The following PLPPR5 variants were observed in gnomAD, a reference collection of about 807,000 sequenced individuals.
The protein encoded by PLPPR5 is phospholipid phosphatase-related protein type 5.
In PLPPR5, 16 loss-of-function variants were observed where a neutral mutation model predicts 33.9. The ratio of observed to expected loss-of-function variants is 0.47; its 90% CI spans 0.32 to 0.72. The LOEUF (loss-of-function observed/expected upper bound fraction) is 0.72, where lower values mean the gene tolerates loss of function less well. Among genes scored for constraint, PLPPR5 ranks in the 30% least tolerant of loss-of-function variants. The pLI is 0.03. For missense variants in PLPPR5, 301 were observed against 406.7 expected (o/e 0.74, Z 2.23); for synonymous variants, 163 against 150.3 (o/e 1.08, Z -0.62).
intron 1 of PLPPR5, among the ~76,000 whole-genome samples, chr1:98,974,991 C>T (rs1651793920): frequency 6.6e-6 from 1 of 152,032 alleles, no homozygotes; most frequent in Non-Finnish European, 1.5e-5. Context: ...GTTTTCTTAA[C>T]ACCCATCTGC....
chr1:98,998,436 C>T (rs183363357), intron 1 of PLPPR5, among the ~76,000 whole-genome samples: 2 of 152,226 alleles, frequency 1.3e-5, no homozygotes, highest in Admixed American at 1.3e-4. Flanking sequence ...CCTTCTGCTG[C>T]CACCTACTCC....
At chr1:98,973,969 A>G (rs553439279) in intron 1 of PLPPR5, among the ~76,000 whole-genome samples, 3 of 151,886 alleles carry the variant, frequency 2.0e-5, no homozygotes, top group Non-Finnish European at 4.4e-5. Flanking sequence ...TGGAGAGAGG[A>G]GGTAGAAAGC....
At chr1:98,911,157 T>C (rs1449682712) in intron 5 of PLPPR5, among the ~76,000 whole-genome samples, 1 of 152,110 alleles carries the variant, frequency 6.6e-6, no homozygotes, top group African/African-American at 2.4e-5. Context: ...TCTGTGTGAG[T>C]GCAGGGGACA....
At chr1:98,993,209 A>G (rs1051602655) in intron 1 of PLPPR5, among the ~76,000 whole-genome samples, 3 of 152,132 alleles carry the variant, frequency 2.0e-5, no homozygotes, top group Middle Eastern at 3.2e-3. Flanking sequence ...ATTATGAGAT[A>G]AAACTATATA....
chr1:98,990,386 A>G (rs1463422712), intron 1 of PLPPR5, among the ~76,000 whole-genome samples: 2 of 152,224 alleles, frequency 1.3e-5, no homozygotes, highest in East Asian at 3.9e-4. Flanking sequence ...AAAACAAAAC[A>G]AAACAAAAAA....
chr1:98,925,552 T>C (rs1035395877), intron 3 of PLPPR5, among the ~76,000 whole-genome samples: 3 of 152,244 alleles, frequency 2.0e-5, no homozygotes, highest in Non-Finnish European at 2.9e-5. Flanking sequence ...TGTTTGCTTT[T>C]ACTAAAATAT....
chr1:98,925,954 G>A (rs915322573), intron 3 of PLPPR5, among the ~76,000 whole-genome samples: 1 of 152,210 alleles, frequency 6.6e-6, no homozygotes, highest in African/African-American at 2.4e-5. Context: ...TCACTAGAGT[G>A]AGGACATAGA....
intron 1 of PLPPR5, among the ~76,000 whole-genome samples, chr1:98,999,863 T>G (rs528906262): frequency 1.6e-4 from 25 of 152,172 alleles, no homozygotes; most frequent in Non-Finnish European, 3.2e-4. Flanking sequence ...ATAAATAATC[T>G]GAGATGTACC....
In PLPPR5 at chr1:98,994,499, T is replaced by C. The variant is rs148030770; in HGVS notation, c.237+9936A>G. On this transcript the variant is annotated intron_variant, in intron 1 of 5. Coordinates refer to ENST00000263177, the MANE Select transcript of PLPPR5 (RefSeq NM_001037317.2). ...CACAATTATTAAGTTACCCATTAGCTAACAAATTTTGTATGTCTATTCTAG... is the reference window on the plus strand; with the variant it reads ...CACAATTATTAAGTTACCCATTAGCCAACAAATTTTGTATGTCTATTCTAG... Among the ~76,000 whole-genome samples, 224 of 152,266 alleles carry C rather than the reference T, an allele frequency of 1.5e-3. 4 individuals carry two copies. The highest frequency in any genetic ancestry group is 5.1e-3 in the African/African-American group (212 of 41,572).
chr1:98,974,658 T>A (rs1651782066), intron 1 of PLPPR5, among the ~76,000 whole-genome samples: 1 of 152,050 alleles, frequency 6.6e-6, no homozygotes, highest in African/African-American at 2.4e-5. Flanking sequence ...AACTCTGAAC[T>A]GAGGCAGGAG....
chr1:98,898,928 G>A (rs1648583016), intron 5 of PLPPR5, among the ~76,000 whole-genome samples: 1 of 152,082 alleles, frequency 6.6e-6, no homozygotes, highest in South Asian at 2.1e-4. Context: ...ACCAGAGGCA[G>A]GCCCAGTTTT....
chr1:98,918,801 TA>T (rs1282392828), intron 4 of PLPPR5, among the ~76,000 whole-genome samples: 1 of 152,222 alleles, frequency 6.6e-6, no homozygotes, highest in East Asian at 1.9e-4. Context: ...TGATTTCACT[TA>T]ATCCTTAAAA....
chr1:99,001,669 A>ATATATAT (rs1557699423), intron 1 of PLPPR5, among the ~76,000 whole-genome samples: 14 of 64,336 alleles, frequency 2.2e-4, no homozygotes, highest in African/African-American at 8.4e-4. Context: ...TTGAAAGTTA[A>ATATATAT]AGATATATAT....
At chr1:98,986,743 A>G (rs1365002702) in intron 1 of PLPPR5, among the ~76,000 whole-genome samples, 3 of 151,892 alleles carry the variant, frequency 2.0e-5, no homozygotes, top group Non-Finnish European at 4.4e-5. Flanking sequence ...TTTTCTAAAT[A>G]GGGAACATTA....
At chr1:98,947,663 T>C (rs558965071) in intron 3 of PLPPR5, among the ~76,000 whole-genome samples, 205 of 152,028 alleles carry the variant, frequency 1.3e-3, no homozygotes, top group Non-Finnish European at 9.7e-4. Context: ...GGGTTAATAA[T>C]GAAAGGGGTC....
At position 99,004,567 on chromosome 1, in the gene PLPPR5, CGTGT is replaced by C; in HGVS notation, c.101_104del (p.Asp34GlyfsTer4). ...AGAAGCCCTGCACGTTCACGGTGAACGTGTCCGTATACTCGAAGTAGTACGCCAG... is the reference window on the plus strand; with the variant it reads ...AGAAGCCCTGCACGTTCACGGTGAACCCGTATACTCGAAGTAGTACGCCAG... On this transcript the variant is annotated frameshift_variant, in exon 1 of 6. Coordinates refer to ENST00000263177, the MANE Select transcript of PLPPR5 (RefSeq NM_001037317.2). LOFTEE classifies it high-confidence loss of function. 1 of 1,613,026 alleles carries C rather than the reference CGTGT, an allele frequency of 6.2e-7. No homozygotes were observed. The highest frequency in any genetic ancestry group is 8.5e-7 in the Non-Finnish European group (1 of 1,179,836).
At chr1:98,987,913 C>T (rs1337864547) in intron 1 of PLPPR5, among the ~76,000 whole-genome samples, 1 of 151,920 alleles carries the variant, frequency 6.6e-6, no homozygotes, top group African/African-American at 2.4e-5. Context: ...GTATAGTATA[C>T]TTTCATGAAC....
chr1:98,928,572 T>TATATATATATATATATATATATATA (rs1649849553), intron 3 of PLPPR5, among the ~76,000 whole-genome samples: 7 of 141,660 alleles, frequency 4.9e-5, no homozygotes, highest in East Asian at 2.1e-4. Context: ...TATATATATA[T>TATATATATATATATATATATATATA]GGTTCACTTT....
chr1:98,917,785 C>T (rs1459518901), intron 4 of PLPPR5, among the ~76,000 whole-genome samples: 1 of 152,170 alleles, frequency 6.6e-6, no homozygotes, highest in Admixed American at 6.5e-5. Flanking sequence ...TGAAATTAAA[C>T]ATCATTTAAA....
Sources: allele counts gnomAD v4.1 joint callset (sites outside exome capture counted in the v4.1 genomes callset), GRCh38; gene constraint gnomAD v4.1.1; transcripts MANE v1.5; gene names NCBI Gene and HGNC (gene_info 2026-07-23, HGNC 2026-07-21).